The following POU6F2 variants were observed in gnomAD, a reference collection of about 807,000 sequenced individuals.
The protein encoded by POU6F2 is POU domain, class 6, transcription factor 2.
Under a neutral mutation model 71.3 loss-of-function variants are expected in POU6F2, and 31 were observed. The observed-to-expected ratio is 0.43, with a 90% CI of 0.33 to 0.59. The LOEUF (loss-of-function observed/expected upper bound fraction) is 0.59. POU6F2 is among the 20% of genes least tolerant of loss of function. The pLI, the probability that POU6F2 is intolerant of heterozygous loss-of-function variation, is 0.04. For missense variants in POU6F2, 783 were observed against 856.8 expected (o/e 0.91, Z 1.07); for synonymous variants, 347 against 355.7 (o/e 0.98, Z 0.27).
chr7:39,385,132 A>G (rs1786908787), intron 5 of POU6F2, among the ~76,000 whole-genome samples: 1 of 152,244 alleles, frequency 6.6e-6, no homozygotes, highest in South Asian at 2.1e-4. Flanking sequence ...AAAATAAGAT[A>G]CCAAATAGCT....
At chr7:39,246,485 G>C (rs570997954) in intron 4 of POU6F2, among the ~76,000 whole-genome samples, 19 of 152,288 alleles carry the variant, frequency 1.2e-4, no homozygotes, top group Admixed American at 9.8e-4. Flanking sequence ...ATGTGACCAA[G>C]TGGTTAAGCC....
chr7:39,385,630 A>C (rs553278490), intron 5 of POU6F2, among the ~76,000 whole-genome samples: 181 of 152,262 alleles, frequency 1.2e-3, no homozygotes, highest in African/African-American at 3.8e-3. Flanking sequence ...CTCCCCATTG[A>C]GACTGGAGGA....
chr7:39,309,880 T>C (rs981208558), intron 4 of POU6F2, among the ~76,000 whole-genome samples: 7 of 152,200 alleles, frequency 4.6e-5, no homozygotes, highest in African/African-American at 1.4e-4. Context: ...GAAATGCACA[T>C]ATATGTGTCA....
chr7:39,436,198 A>G (rs1212540301), intron 7 of POU6F2, among the ~76,000 whole-genome samples: 1 of 152,184 alleles, frequency 6.6e-6, no homozygotes, highest in Non-Finnish European at 1.5e-5. Flanking sequence ...CGTTGAATCT[A>G]TAAATTACTC....
chr7:39,231,110 A>G (rs913394136), intron 4 of POU6F2, among the ~76,000 whole-genome samples: 1 of 152,190 alleles, frequency 6.6e-6, no homozygotes, highest in African/African-American at 2.4e-5. Context: ...CCAAATGTCA[A>G]TTGTGCTGAG....
intron 1 of POU6F2, among the ~76,000 whole-genome samples, chr7:39,028,146 AGCC>A (rs1789857422): frequency 6.6e-6 from 1 of 151,982 alleles, no homozygotes; most frequent in Non-Finnish European, 1.5e-5. Context: ...CTCTGTGAAA[AGCC>A]TGTTCATGTC....
At chr7:39,117,682 A>G (rs1381251021) in intron 2 of POU6F2, among the ~76,000 whole-genome samples, 2 of 152,176 alleles carry the variant, frequency 1.3e-5, no homozygotes, top group Admixed American at 6.5e-5. Flanking sequence ...CCCCTCAGGA[A>G]CTGAGGCACC....
intron 2 of POU6F2, among the ~76,000 whole-genome samples, chr7:39,104,417 G>C (rs1204027345): frequency 6.6e-6 from 1 of 152,224 alleles, no homozygotes; most frequent in Non-Finnish European, 1.5e-5. Flanking sequence ...CACGAGTCTT[G>C]TGATTGATCT....
At chr7:39,259,597 G>A (rs1044085887) in intron 4 of POU6F2, among the ~76,000 whole-genome samples, 1 of 152,136 alleles carries the variant, frequency 6.6e-6, no homozygotes, top group Non-Finnish European at 1.5e-5. Context: ...GTCAAAGGAT[G>A]ATCAGGCGGC....
intron 1 of POU6F2, among the ~76,000 whole-genome samples, chr7:39,035,780 A>G (rs12538487): frequency 0.33 from 50,003 of 151,806 alleles, 8,844 homozygotes; most frequent in East Asian, 0.73. Context: ...ATTTAAACTT[A>G]ATTTAATTTG....
At chr7:39,016,046 ATT>A (rs1491036369) in intron 1 of POU6F2, among the ~76,000 whole-genome samples, 1 of 47,434 alleles carries the variant, frequency 2.1e-5, no homozygotes, top group Non-Finnish European at 4.4e-5. Flanking sequence ...TATATTATAT[ATT>A]ATATATATTA....
chr7:39,464,691 A>C lies in POU6F2; in HGVS notation c.*5A>C, dbSNP rs373654083. Reference sequence around the variant, plus strand: ...TCTCTGGAAGAAAACTCCTAAAGAGATGCCCACCCATAATCAGAAGCAAAA... The same window carrying C: ...TCTCTGGAAGAAAACTCCTAAAGAGCTGCCCACCCATAATCAGAAGCAAAA... On this transcript the variant is annotated 3_prime_UTR_variant, in exon 10 of 10. Coordinates refer to ENST00000518318, the MANE Select transcript of POU6F2 (RefSeq NM_001370959.1). This position sits in a 1 kb window ranked among gnomAD's most constrained non-coding sequence, Gnocchi z 4.1. 1.9e-6 allele frequency: 3 copies of C among 1,590,270 alleles called. No homozygotes were observed. Among genetic ancestry groups the C allele is most frequent in the Non-Finnish European group, 2.6e-6 (3 of 1,169,572 alleles).
chr7:39,276,616 G>A (rs746382915), intron 4 of POU6F2, among the ~76,000 whole-genome samples: 19,659 of 150,860 alleles, frequency 0.13, 1,223 homozygotes, highest in East Asian at 0.15. Context: ...TGTTTATTGC[G>A]GCACTATTCA....
intron 4 of POU6F2, among the ~76,000 whole-genome samples, chr7:39,259,731 T>C (rs113718989): frequency 2.0e-5 from 3 of 152,042 alleles, no homozygotes; most frequent in Admixed American, 1.3e-4. Flanking sequence ...AGATTCTCTC[T>C]CTGCTGGCCT....
intron 4 of POU6F2, among the ~76,000 whole-genome samples, chr7:39,320,219 C>A (rs1351707170): frequency 6.6e-6 from 1 of 152,174 alleles, no homozygotes; most frequent in Non-Finnish European, 1.5e-5. Flanking sequence ...TTCCCTCAAC[C>A]ACCGTGGCCC....
intron 4 of POU6F2, among the ~76,000 whole-genome samples, chr7:39,262,054 CA>C (rs964705926): frequency 1.1e-4 from 16 of 151,770 alleles, no homozygotes; most frequent in Middle Eastern, 3.4e-3. Flanking sequence ...CTGGGAACAA[CA>C]AAAAAAAGTT....
chr7:39,226,535 TAAGA>T (rs1794463778), intron 4 of POU6F2, among the ~76,000 whole-genome samples: 1 of 152,236 alleles, frequency 6.6e-6, no homozygotes, highest in South Asian at 2.1e-4. Flanking sequence ...AGGTAATGTC[TAAGA>T]AAGACCCTTT....
intron 4 of POU6F2, among the ~76,000 whole-genome samples, chr7:39,242,867 T>C (rs1783752388): frequency 6.6e-6 from 1 of 152,174 alleles, no homozygotes; most frequent in African/African-American, 2.4e-5. Context: ...CATCAGGTTC[T>C]AGTTCTCTCC....
rs1793760284 is a variant in POU6F2, at chr7:39,195,171, T to C, written c.278-9064T>C. ...CCCAATTATTAATGTTCTCATTTAA[T>C]TTGACTGCACTGTGAAATCTCAAAA... On this transcript the variant is annotated intron_variant, in intron 2 of 9. Transcript: ENST00000518318. 1.3e-5 allele frequency among the ~76,000 whole-genome samples: 2 copies of C among 152,234 alleles called. 1 individual carries two copies. The highest frequency in any genetic ancestry group is 4.1e-4 in the South Asian group (2 of 4,828).
Sources: gnomAD v4.1 joint callset for allele counts (sites outside exome capture counted in the v4.1 genomes callset) on GRCh38, gnomAD v4.1.1 for gene constraint, Gnocchi (gnomAD v3.1) non-coding constraint, MANE v1.5 for transcripts, NCBI Gene and HGNC (gene_info 2026-07-23, HGNC 2026-07-21) for gene names.